The following DCC variants were observed in gnomAD, a reference collection of about 807,000 sequenced individuals.
The protein encoded by DCC is DCC netrin 1 receptor, also known as netrin receptor DCC.
Under a neutral mutation model 172.5 loss-of-function variants are expected in DCC, and 58 were observed. That is an observed-to-expected ratio of 0.34 (90% CI 0.27 to 0.42). The LOEUF is 0.42. Ranked by LOEUF, DCC falls within the 10% of genes least tolerant of loss-of-function variation. The probability of loss-of-function intolerance (pLI) is 1.00; values close to 1 mark genes in which losing one functional copy is unlikely to be tolerated. For missense variants in DCC, 1,740 were observed against 1,791.0 expected (o/e 0.97, Z 0.51); for synonymous variants, 709 against 644.5 (o/e 1.10, Z -1.52).
chr18:52,921,939 T>C (rs563205621), intron 3 of DCC, among the ~76,000 whole-genome samples: 5 of 152,106 alleles, frequency 3.3e-5, no homozygotes, highest in African/African-American at 1.2e-4. Flanking sequence ...TTCAAATGCA[T>C]AGGCCTCTAA....
At chr18:53,283,903 G>C (rs1177858530) in intron 12 of DCC, among the ~76,000 whole-genome samples, 1 of 45,556 alleles carries the variant, frequency 2.2e-5, no homozygotes, top group African/African-American at 8.8e-5. Context: ...TAAGTTCTAG[G>C]GAGCTAAAAA....
At chr18:52,477,634 T>G (rs1320343585) in intron 1 of DCC, among the ~76,000 whole-genome samples, 1 of 152,140 alleles carries the variant, frequency 6.6e-6, no homozygotes, top group Non-Finnish European at 1.5e-5. Context: ...CAGATGCTTA[T>G]GCAGAACACT....
chr18:52,402,277 A>G (rs368185351), intron 1 of DCC, among the ~76,000 whole-genome samples: 1 of 152,126 alleles, frequency 6.6e-6, no homozygotes, highest in Non-Finnish European at 1.5e-5. Flanking sequence ...TGGATTTAAA[A>G]CTGCATCTGG....
chr18:53,128,972 C>A (rs1336336099), intron 7 of DCC, among the ~76,000 whole-genome samples: 1 of 150,158 alleles, frequency 6.7e-6, no homozygotes, highest in African/African-American at 2.4e-5. Flanking sequence ...CTGCAACCTG[C>A]ATCTCCCAGG....
Position 53,526,540 on chromosome 18 carries a change from A to T in DCC, c.4112-77A>T, listed in dbSNP as rs1368987167. The T allele has an allele frequency of 3.5e-6, 5 of 1,432,538 alleles. No individual in the cohort carries two copies. In the Admixed American group the frequency reaches 8.4e-5, roughly 24 times the overall value. The allele number at this position is 1,432,538 out of a possible 1,614,324, so 88.7% of individuals were successfully genotyped here. On this transcript the variant is annotated intron_variant, in intron 27 of 28. Transcript: ENST00000442544. ...CCTAAAATCAATGCCAATCTCCTGG[A>T]TATGGTGTATATACTTGAGAAAGTG...
chr18:52,873,982 T>C (rs551828760), intron 2 of DCC, among the ~76,000 whole-genome samples: 1 of 152,340 alleles, frequency 6.6e-6, no homozygotes, highest in African/African-American at 2.4e-5. Flanking sequence ...TCAACTCTCT[T>C]ACCCAGGCTT....
In DCC at chr18:52,792,779, CA is replaced by C. The variant is rs1159183559; in HGVS notation, c.412+40406del. On this transcript the variant is annotated intron_variant, in intron 2 of 28. Transcript: ENST00000442544. Reference sequence around the variant, plus strand: ...GATTCTATTCCATTCTATTCCATTCCATTCCATTCCATTCCATTCCATTCCA... The same window carrying C: ...GATTCTATTCCATTCTATTCCATTCCTTCCATTCCATTCCATTCCATTCCA... Among the ~76,000 whole-genome samples the C allele has an allele frequency of 1.1e-4, 17 of 150,652 alleles. No individual in the cohort carries two copies. The East Asian group carries it at 1.4e-3, about 12-fold the overall frequency.
chr18:52,551,172 AATG>A (rs1454560623), intron 1 of DCC, among the ~76,000 whole-genome samples: 2 of 152,028 alleles, frequency 1.3e-5, no homozygotes, highest in African/African-American at 4.8e-5. Context: ...ACTGTGTGCC[AATG>A]ATGGAGATCA....
intron 22 of DCC, among the ~76,000 whole-genome samples, chr18:53,443,312 A>G (rs1912391873): frequency 6.6e-6 from 1 of 152,314 alleles, no homozygotes; most frequent in Non-Finnish European, 1.5e-5. Context: ...CTTAAGAATT[A>G]TGCTAAATCT....
rs2040390949 is a variant in DCC at position 52,937,002 on chromosome 18, T to A, written c.985+11632T>A. On this transcript the variant is annotated intron_variant, in intron 5 of 28. Coordinates refer to ENST00000442544, the MANE Select transcript of DCC (RefSeq NM_005215.4). Reference sequence around the variant, plus strand: ...GTAGTAAGGTATGGACTCATTTTTATTTTAAGTATAGTGTATTTGAGCAGG... The same window carrying A: ...GTAGTAAGGTATGGACTCATTTTTAATTTAAGTATAGTGTATTTGAGCAGG... Among the ~76,000 whole-genome samples, 5 of 152,256 alleles carry A rather than the reference T, an allele frequency of 3.3e-5. No individual in the cohort carries two copies. In the South Asian group the frequency reaches 8.3e-4, roughly 25 times the overall value.
intron 5 of DCC, among the ~76,000 whole-genome samples, chr18:52,948,594 T>C (rs957837376): frequency 6.6e-6 from 1 of 152,172 alleles, no homozygotes; most frequent in Non-Finnish European, 1.5e-5. Flanking sequence ...CCTACATCAC[T>C]GATAGATGTC....
At chr18:53,512,313 A>C (rs1301980316) in intron 27 of DCC, among the ~76,000 whole-genome samples, 1 of 149,052 alleles carries the variant, frequency 6.7e-6, no homozygotes, top group Non-Finnish European at 1.5e-5. Context: ...CCATCTGTAC[A>C]TCACCATCAT....
chr18:52,687,931 A>T (rs1179398366), intron 1 of DCC, among the ~76,000 whole-genome samples: 1 of 152,130 alleles, frequency 6.6e-6, no homozygotes, highest in East Asian at 1.9e-4. Flanking sequence ...ACGACCCTTC[A>T]GTTGTCTTTG....
At chr18:53,416,206 G>T in intron 21 of DCC, 50 bp downstream of exon 21, 4 of 1,297,058 alleles carry the variant, frequency 3.1e-6, no homozygotes, top group Non-Finnish European at 4.5e-6. Flanking sequence ...AATCCTGTCT[G>T]TTAGACATGT....
chr18:53,096,432 C>A (rs535469053), intron 7 of DCC, among the ~76,000 whole-genome samples: 1 of 151,968 alleles, frequency 6.6e-6, no homozygotes, highest in Admixed American at 6.6e-5. Context: ...CTAACAACTG[C>A]GTGGTCAGAT....
chr18:52,661,755 TA>T (rs923862742), intron 1 of DCC, among the ~76,000 whole-genome samples: 1 of 152,186 alleles, frequency 6.6e-6, no homozygotes, highest in African/African-American at 2.4e-5. Flanking sequence ...ATAGAGAAAG[TA>T]AAACCAGCAA....
At position 53,410,590 on chromosome 18, in the gene DCC, G is replaced by T. The variant is rs373862495; in HGVS notation, c.3074G>T (p.Arg1025Leu). Residue 1025 changes from arginine to leucine, a missense_variant, in exon 20 of 29, where the codon CGA becomes CTA. Physicochemically the swap from Arg to Leu is moderately radical, Grantham distance 102. Coordinates refer to ENST00000442544, the MANE Select transcript of DCC (RefSeq NM_005215.4). ...DTMYYFRIQARNSKGVGPLSD... is the reference protein window; with the variant it reads ...DTMYYFRIQALNSKGVGPLSD... ...ATGTATTACTTTCGAATTCAAGCAC[G>T]AAATTCAAAAGGAGTGGGGCCACTC... The T allele has an allele frequency of 1.4e-5, 23 of 1,611,156 alleles. 1 individual carries two copies. The East Asian group carries it at 2.5e-4, about 17-fold the overall frequency.
intron 7 of DCC, among the ~76,000 whole-genome samples, chr18:53,089,107 A>G (rs2042964366): frequency 1.3e-5 from 2 of 152,076 alleles, no homozygotes; most frequent in African/African-American, 4.8e-5. Context: ...TTGTTTTGAG[A>G]CAGAGTCTCG....
chr18:52,407,391 A>G (rs766028534), intron 1 of DCC, among the ~76,000 whole-genome samples: 3 of 152,054 alleles, frequency 2.0e-5, no homozygotes, highest in African/African-American at 7.2e-5. Flanking sequence ...CATTTGATAT[A>G]TTTTCGGTTG....
Sources: gnomAD v4.1 joint callset for allele counts (sites outside exome capture counted in the v4.1 genomes callset) on GRCh38, gnomAD v4.1.1 for gene constraint, MANE v1.5 for transcripts, NCBI Gene and HGNC (gene_info 2026-07-23, HGNC 2026-07-21) for gene names.